Variants in NCKAP5 observed in about 807,000 individuals in gnomAD.
NCKAP5 encodes the protein NCK associated protein 5.
Under a neutral mutation model 167.0 loss-of-function variants are expected in NCKAP5, and 92 were observed. The ratio of observed to expected loss-of-function variants is 0.55; its 90% CI spans 0.47 to 0.66. The LOEUF is 0.66. Among genes scored for constraint, NCKAP5 ranks in the 30% least tolerant of loss-of-function variants. NCKAP5 has a pLI of 0.00. For synonymous variants in NCKAP5, 891 were observed against 877.4 expected (o/e 1.02, Z -0.27); for missense variants, 2,378 against 2,315.0 (o/e 1.03, Z -0.56).
chr2:133,170,160 A>C (rs2149985407), intron 5 of NCKAP5, among the ~76,000 whole-genome samples: 1 of 152,346 alleles, frequency 6.6e-6, no homozygotes, highest in South Asian at 2.1e-4. Context: ...AGATGATATT[A>C]GAGGAAATGT....
chr2:133,019,826 T>C (rs2078464185), intron 6 of NCKAP5, among the ~76,000 whole-genome samples: 1 of 152,240 alleles, frequency 6.6e-6, no homozygotes, highest in Non-Finnish European at 1.5e-5. Flanking sequence ...CAGGCAATAA[T>C]TATTGTTAAA....
At chr2:132,850,404 G>A (rs966887019) in intron 11 of NCKAP5, among the ~76,000 whole-genome samples, 1 of 152,034 alleles carries the variant, frequency 6.6e-6, no homozygotes, top group African/African-American at 2.4e-5. Flanking sequence ...GGGCCTAAGC[G>A]GGCAGTGGGT....
intron 3 of NCKAP5, among the ~76,000 whole-genome samples, chr2:133,312,022 G>A (rs578110350): frequency 6.6e-6 from 1 of 152,328 alleles, no homozygotes; most frequent in African/African-American, 2.4e-5. Context: ...TCTATGGCAT[G>A]TAAATCACAT....
At chr2:133,327,509 G>C (rs912582428) in intron 3 of NCKAP5, among the ~76,000 whole-genome samples, 12 of 152,146 alleles carry the variant, frequency 7.9e-5, no homozygotes, top group Non-Finnish European at 1.6e-4. Context: ...TGTTCTGCAG[G>C]TTGTAGCCTT....
At chr2:133,281,108 T>A (rs1311397667) in intron 4 of NCKAP5, among the ~76,000 whole-genome samples, 1 of 152,222 alleles carries the variant, frequency 6.6e-6, no homozygotes, top group Non-Finnish European at 1.5e-5. Context: ...CTGCTGAATA[T>A]CAGTGACATT....
chr2:132,784,671 G>A lies in NCKAP5; in HGVS notation c.2140C>T (p.Pro714Ser), dbSNP rs772404931. ...GPKAEHTELL[P>S]QGIACLQPRA... ...GGCTGTAAACAAGCAATTCCCTGAGGTAAAAGCTCAGTATGTTCTGCCTTG... is the reference window on the plus strand; with the variant it reads ...GGCTGTAAACAAGCAATTCCCTGAGATAAAAGCTCAGTATGTTCTGCCTTG... Residue 714 changes from proline to serine, a missense_variant, in exon 14 of 20, where the codon CCT becomes TCT. Physicochemically the swap from Pro to Ser is moderately conservative, Grantham distance 74. This residue lies in a region of NCKAP5 where 1,049 missense variants were observed against 1,023.4 expected (regional missense o/e 1.02). Transcript: ENST00000409261. 1.2e-6 allele frequency: 2 copies of A among 1,613,868 alleles called. No individual in the cohort carries two copies. The highest frequency in any genetic ancestry group is 4.5e-5 in the East Asian group (2 of 44,890).
chr2:133,272,761 G>A (rs1330061975), intron 4 of NCKAP5, among the ~76,000 whole-genome samples: 2 of 152,124 alleles, frequency 1.3e-5, no homozygotes, highest in Non-Finnish European at 2.9e-5. Flanking sequence ...TTCTATCCCT[G>A]TAGAATTGCC....
intron 3 of NCKAP5, among the ~76,000 whole-genome samples, chr2:133,464,150 G>A (rs923119051): frequency 6.6e-6 from 1 of 152,132 alleles, no homozygotes; most frequent in Non-Finnish European, 1.5e-5. Context: ...CTGGGCTTCT[G>A]GGAATATCTC....
chr2:132,801,101 C>T (rs1232168067), intron 11 of NCKAP5, among the ~76,000 whole-genome samples: 3 of 152,184 alleles, frequency 2.0e-5, no homozygotes, highest in African/African-American at 7.2e-5. Context: ...TATAGTCTTC[C>T]ATGCTCTTTA....
At chr2:133,536,879 C>T (rs760960456) in intron 2 of NCKAP5, among the ~76,000 whole-genome samples, 13 of 151,680 alleles carry the variant, frequency 8.6e-5, no homozygotes, top group Non-Finnish European at 1.3e-4. Flanking sequence ...GAAACTATTG[C>T]TTAATCCAAG....
intron 3 of NCKAP5, among the ~76,000 whole-genome samples, chr2:133,514,327 CACACACACATGG>C (rs1023806333): frequency 3.9e-5 from 6 of 152,172 alleles, no homozygotes; most frequent in African/African-American, 1.4e-4. Context: ...GTTACCAGGG[CACACACACATGG>C]ACATGTATAT....
Position 133,408,358 on chromosome 2 carries a change from T to A in NCKAP5, c.70-105248A>T, listed in dbSNP as rs993630408. ...CTTTGTGTGCAGCATATATGTTTTT[T>A]CAACTCTCTCCGAATGTTGTTCCAT... On this transcript the variant is annotated intron_variant, in intron 3 of 19. Coordinates refer to ENST00000409261, the MANE Select transcript of NCKAP5 (RefSeq NM_207363.3). Among the ~76,000 whole-genome samples the A allele has an allele frequency of 2.6e-4, 39 of 152,198 alleles. 1 individual carries two copies. Among genetic ancestry groups the A allele is most frequent in the Non-Finnish European group, 1.3e-4 (9 of 68,034 alleles).
chr2:133,357,288 G>GAC (rs10635907), intron 3 of NCKAP5, among the ~76,000 whole-genome samples: 91,981 of 140,114 alleles, frequency 0.66, 30,249 homozygotes, highest in Non-Finnish European at 0.74. Context: ...CACATACACA[G>GAC]ACACACACAC....
chr2:133,085,783 C>A (rs1466666454), intron 6 of NCKAP5, among the ~76,000 whole-genome samples: 13 of 152,086 alleles, frequency 8.5e-5, no homozygotes. Context: ...AGCAGCAGGA[C>A]CCCTCCTGTA....
intron 6 of NCKAP5, among the ~76,000 whole-genome samples, chr2:133,112,290 C>T (rs528679594): frequency 5.9e-4 from 89 of 152,066 alleles, no homozygotes; most frequent in Non-Finnish European, 6.3e-4. Context: ...CTGGCTAACA[C>T]GGTGAAACCC....
intron 5 of NCKAP5, among the ~76,000 whole-genome samples, chr2:133,169,770 T>C (rs911766886): frequency 2.6e-5 from 4 of 152,192 alleles, no homozygotes; most frequent in African/African-American, 9.7e-5. Flanking sequence ...GAAAATACAA[T>C]TGCTTTTGCA....
chr2:133,505,084 C>T (rs1038197284), intron 3 of NCKAP5, among the ~76,000 whole-genome samples: 2 of 152,148 alleles, frequency 1.3e-5, no homozygotes, highest in African/African-American at 4.8e-5. Context: ...GTCATTGTAC[C>T]TGTGCTTGGA....
chr2:132,740,392 A>T (rs544700409), intron 16 of NCKAP5, among the ~76,000 whole-genome samples: 1 of 152,284 alleles, frequency 6.6e-6, no homozygotes, highest in East Asian at 1.9e-4. Context: ...TAAACTACAG[A>T]TGGGAAAACA....
At chr2:133,258,749 T>TAA (rs1222395264) in intron 4 of NCKAP5, among the ~76,000 whole-genome samples, 21 of 140,460 alleles carry the variant, frequency 1.5e-4, no homozygotes, top group African/African-American at 5.5e-4. Context: ...CTGTCTCAAT[T>TAA]AAAAAAAAAA....
Sources: gnomAD v4.1 joint callset for allele counts (sites outside exome capture counted in the v4.1 genomes callset) on GRCh38, gnomAD v4.1.1 for gene constraint, gnomAD v4.1.1 regional missense constraint, MANE v1.5 for transcripts, NCBI Gene and HGNC (gene_info 2026-07-23, HGNC 2026-07-21) for gene names.